The following CFAP92 variants were observed in gnomAD, a reference collection of about 807,000 sequenced individuals.
CFAP92 encodes cilia and flagella associated protein 92 (putative).
A neutral mutation model predicts 106.3 loss-of-function variants in CFAP92; 86 were observed. The ratio of observed to expected loss-of-function variants is 0.81; its 90% confidence interval spans 0.68 to 0.97. The LOEUF is 0.97. Among genes scored for constraint, CFAP92 ranks in the 50% least tolerant of loss-of-function variants. CFAP92 has a pLI of 0.00. For synonymous variants in CFAP92, 477 were observed against 506.4 expected, an observed-to-expected ratio of 0.94 and a Z score of 0.78; for missense variants, 1,204 against 1,283.8, an observed-to-expected ratio of 0.94 and a Z score of 0.95.
intron 9 of CFAP92, among the ~76,000 whole-genome samples, chr3:128,950,270 T>C (rs1400069891): frequency 6.6e-6 from 1 of 151,870 alleles, no homozygotes; most frequent in African/African-American, 2.4e-5. Flanking sequence ...AACCCAGGGG[T>C]TCCCACCAAC....
intron 12 of CFAP92, among the ~76,000 whole-genome samples, chr3:128,921,068 G>A (rs79080568): frequency 0.048 from 7,262 of 152,130 alleles, 357 homozygotes; most frequent in African/African-American, 0.12. Context: ...TCCAGAGCTC[G>A]GGGCCTTCAC....
At chr3:129,008,381 C>T in the CFAP92 span, among the ~76,000 whole-genome samples, 1 of 152,168 alleles carries the variant, frequency 6.6e-6, no homozygotes, top group African/African-American at 2.4e-5. Context: ...TGGAGGTCTC[C>T]TCTTCTTGAT....
intron 1 of CFAP92, chr3:129,001,564 C>T (rs1245143396): frequency 1.5e-6 from 2 of 1,348,900 alleles, no homozygotes; most frequent in Non-Finnish European, 9.5e-7. Flanking sequence ...CTGGGGCCGC[C>T]CCTGGAAGTG....
upstream of CFAP92, among the ~76,000 whole-genome samples, chr3:128,994,395 C>T (rs1944401985): frequency 6.6e-6 from 1 of 152,202 alleles, no homozygotes; most frequent in Non-Finnish European, 1.5e-5. Flanking sequence ...TCAGCTCCCA[C>T]CTCCCATTCT....
intron 9 of CFAP92, among the ~76,000 whole-genome samples, chr3:128,952,218 C>T (rs1259478024): frequency 6.6e-6 from 1 of 150,842 alleles, no homozygotes; most frequent in Admixed American, 6.6e-5. Flanking sequence ...GCAGCCTCAG[C>T]CTCCTGGGTT....
chr3:128,927,426 AAATT>A (rs1056660515), intron 12 of CFAP92, among the ~76,000 whole-genome samples: 1 of 152,218 alleles, frequency 6.6e-6, no homozygotes, highest in East Asian at 1.9e-4. Flanking sequence ...AATGGACAAA[AAATT>A]AATTCTAGGG....
chr3:128,930,712 C>T (rs747775293), intron 12 of CFAP92, among the ~76,000 whole-genome samples: 1 of 152,090 alleles, frequency 6.6e-6, no homozygotes, highest in Non-Finnish European at 1.5e-5. Context: ...GATCACGCCA[C>T]TACACTCGAG....
chr3:128,944,970 G>A, intron 10 of CFAP92, 101 bp downstream of exon 10: 1 of 1,044,226 alleles, frequency 9.6e-7, no homozygotes, highest in East Asian at 2.6e-5. Context: ...GAGACTCACA[G>A]ACAAGGATGC....
intron 9 of CFAP92, among the ~76,000 whole-genome samples, chr3:128,946,539 G>A (rs1940237135): frequency 6.6e-6 from 1 of 152,210 alleles, no homozygotes; most frequent in Admixed American, 6.5e-5. Context: ...CATTTGCATG[G>A]TTTGACCTTG....
chr3:128,935,380 A>C, intron 10 of CFAP92, 61 bp from the exon 11 acceptor site: 1 of 1,195,494 alleles, frequency 8.4e-7, no homozygotes, highest in Non-Finnish European at 1.1e-6. Flanking sequence ...CACCGTGGTG[A>C]GGGTGCGCTG....
intron 9 of CFAP92, among the ~76,000 whole-genome samples, chr3:128,959,517 C>A (rs1941705480): frequency 6.6e-6 from 1 of 152,154 alleles, no homozygotes; most frequent in Non-Finnish European, 1.5e-5. Flanking sequence ...CCAGCAAAAC[C>A]AGACAGCAAA....
chr3:129,002,672 A>C, exon 1 of CFAP92: 1 of 307,642 alleles, frequency 3.3e-6, no homozygotes. Flanking sequence ...TTCAACAAGC[A>C]TCTTTCTCTC....
At chr3:128,958,666 C>T (rs1941631854) in intron 9 of CFAP92, among the ~76,000 whole-genome samples, 1 of 152,116 alleles carries the variant, frequency 6.6e-6, no homozygotes, top group African/African-American at 2.4e-5. Flanking sequence ...TTTGGGAGGC[C>T]ACGGCAGGAG....
chr3:128,959,382 C>T (rs1360154444), intron 9 of CFAP92, among the ~76,000 whole-genome samples: 1 of 152,026 alleles, frequency 6.6e-6, no homozygotes, highest in East Asian at 1.9e-4. Context: ...ATTCTATATG[C>T]AGCCAAACTA....
At chr3:128,984,190 A>G (rs931384949) in intron 4 of CFAP92, among the ~76,000 whole-genome samples, 1 of 152,230 alleles carries the variant, frequency 6.6e-6, no homozygotes, top group African/African-American at 2.4e-5. Flanking sequence ...ATTAAAGGGA[A>G]AAGAAATGCT....
In CFAP92 at chr3:128,975,920, G is replaced by A. The variant is rs762378145; in HGVS notation, c.897-17C>T. 6.3e-7 allele frequency: 1 copy of A among 1,589,048 alleles called. No individual in the cohort carries two copies. Among genetic ancestry groups the A allele is most frequent in the East Asian group, 2.2e-5 (1 of 44,604 alleles). ...ACACTCCATCTAGAAAATTCACAAA[G>A]AGAAAAATTAATGAAGGTGAAAAAA... On this transcript the variant is annotated splice_polypyrimidine_tract_variant and intron_variant, in intron 6 of 15. Transcript: ENST00000645291.
At position 128,945,283 on chromosome 3, in the gene CFAP92, CATGGTG is replaced by C; in HGVS notation, c.2040_2045del (p.Ile680_Thr681del). ...CCAGGCCGAGGGCCTTAGCGTTGAT[CATGGTG>C]ATGTCCTGCAGCAGGCTGTGGAGCA... On this transcript the variant is annotated inframe_deletion, in exon 10 of 16. Coordinates refer to ENST00000645291, the MANE Select transcript of CFAP92 (RefSeq NM_001394090.1). 2 of 1,536,120 alleles carry C rather than the reference CATGGTG, an allele frequency of 1.3e-6. No homozygotes were observed. The highest frequency in any genetic ancestry group is 1.7e-6 in the Non-Finnish European group (2 of 1,146,914).
chr3:128,915,664 C>T lies in CFAP92; in HGVS notation c.2917-101G>A, dbSNP rs570756134. 57 of 758,686 alleles carry T rather than the reference C, an allele frequency of 7.5e-5. 3 individuals carry two copies. In the South Asian group the frequency reaches 1.0e-3, roughly 14 times the overall value. The allele number at this position is 758,686 out of a possible 1,614,324, so 47.0% of individuals were successfully genotyped here. A position where few individuals can be genotyped will look rare whatever the true frequency, so the allele number is the denominator to read the frequency against. ...AACAGCTGGGGGCATAATCATAGTT[C>T]CTGACAATGTAAATAGTGCATTGAG... On this transcript the variant is annotated intron_variant, in intron 13 of 15. Transcript: ENST00000645291.
chr3:128,931,529 A>G (rs71619930), intron 12 of CFAP92, among the ~76,000 whole-genome samples: 1,916 of 97,922 alleles, frequency 0.02, 16 homozygotes, highest in Admixed American at 0.028. Context: ...ATGTATGTGT[A>G]TATATATATA....
Sources: gnomAD v4.1 joint callset for allele counts (sites outside exome capture counted in the v4.1 genomes callset) on GRCh38, gnomAD v4.1.1 for gene constraint, MANE v1.5 for transcripts, NCBI Gene and HGNC (gene_info 2026-07-23, HGNC 2026-07-21) for gene names.